The following ADCY3 variants were observed in gnomAD, a reference collection of about 807,000 sequenced individuals.
ADCY3 encodes the protein adenylate cyclase type 3.
ADCY3 carries 70 observed loss-of-function variants against 119.4 expected under a neutral mutation model. That is an observed-to-expected ratio of 0.59 (90% CI 0.48 to 0.72). The LOEUF (loss-of-function observed/expected upper bound fraction) is 0.72, where lower values mean the gene tolerates loss of function less well. Ranked by LOEUF, ADCY3 falls within the 30% of genes least tolerant of loss-of-function variation. The probability of loss-of-function intolerance (pLI) is 0.00; values close to 1 mark genes in which losing one functional copy is unlikely to be tolerated. For synonymous variants in ADCY3, 672 were observed against 621.4 expected (o/e 1.08, Z -1.21); for missense variants, 1,238 against 1,541.6 (o/e 0.80, Z 3.30).
At position 24,840,450 on chromosome 2, in the gene ADCY3, G is replaced by C. The variant is rs758064124; in HGVS notation, c.1197-419C>G. On this transcript the variant is annotated intron_variant, in intron 6 of 21. Transcript: ENST00000679454. ...CTGACAGGGCAGGGAGAGAATGTTA[G>C]AGTTCCTGGACTACCACCCCTGGGG... The C allele has an allele frequency of 5.3e-5, 21 of 399,026 alleles. 1 individual carries two copies. The highest frequency in any genetic ancestry group is 9.4e-5 in the Non-Finnish European group (18 of 191,354). The allele number at this position is 399,026 out of a possible 1,614,324, so 24.7% of individuals were successfully genotyped here.
At chr2:24,831,342 C>T (rs569041717) in intron 12 of ADCY3, among the ~76,000 whole-genome samples, 8 of 152,338 alleles carry the variant, frequency 5.3e-5, no homozygotes, top group African/African-American at 1.2e-4. Flanking sequence ...ACCTTCCAGC[C>T]GGCCCTCCAC....
intron 2 of ADCY3, among the ~76,000 whole-genome samples, chr2:24,893,184 C>T (rs1364424068): frequency 6.6e-6 from 1 of 152,000 alleles, no homozygotes; most frequent in East Asian, 1.9e-4. Context: ...CCAGCGCATA[C>T]CATCACCCCC....
intron 12 of ADCY3, 111 bp from the exon 13 acceptor site, chr2:24,830,936 A>C: frequency 2.4e-6 from 2 of 827,382 alleles, no homozygotes; most frequent in East Asian, 2.5e-5. Flanking sequence ...GAGCCTCAAA[A>C]CGGACTCTGC....
In ADCY3 at chr2:24,880,445, T is replaced by C. The variant is rs542101932; in HGVS notation, c.676-7726A>G. Among the ~76,000 whole-genome samples, 4 of 152,316 alleles carry C rather than the reference T, an allele frequency of 2.6e-5. No homozygotes were observed. The East Asian group carries it at 7.7e-4, about 29-fold the overall frequency. ...ATGGGCCTCTCTCCAGTCCTCCCTA[T>C]AAGATGTGCTATTTCAGGGATCCAA... On this transcript the variant is annotated intron_variant, in intron 2 of 21. Transcript: ENST00000679454.
chr2:24,874,255 G>A (rs1396574051), intron 2 of ADCY3, among the ~76,000 whole-genome samples: 1 of 152,190 alleles, frequency 6.6e-6, no homozygotes, highest in Non-Finnish European at 1.5e-5. Flanking sequence ...GTCACCGGGT[G>A]TAGATTCCCA....
intron 13 of ADCY3, among the ~76,000 whole-genome samples, chr2:24,828,994 C>T (rs1669030096): frequency 6.6e-6 from 1 of 151,550 alleles, no homozygotes; most frequent in Non-Finnish European, 1.5e-5. Context: ...CCTAACTCCT[C>T]ATTCCCAGTA....
At position 24,827,628 on chromosome 2, in the gene ADCY3, A is replaced by G. The variant is rs765788830; in HGVS notation, c.2433-20T>C. 2 of 1,573,976 alleles carry G rather than the reference A, an allele frequency of 1.3e-6. No homozygotes were observed. The highest frequency in any genetic ancestry group is 1.2e-5 in the South Asian group (1 of 86,364). ...GGTAAGCTGTTGGACAGATAACAGC[A>G]CAGTCAGGCCCCATCTGGGAACAAG... On this transcript the variant is annotated intron_variant, in intron 14 of 21. Transcript: ENST00000679454.
intron 2 of ADCY3, among the ~76,000 whole-genome samples, chr2:24,912,343 A>G (rs1374658121): frequency 6.6e-6 from 1 of 151,890 alleles, no homozygotes; most frequent in Non-Finnish European, 1.5e-5. Flanking sequence ...AAAAGAAAAA[A>G]CAAAAAGAAT....
At chr2:24,861,143 C>T (rs1358368511) in intron 3 of ADCY3, among the ~76,000 whole-genome samples, 3 of 151,120 alleles carry the variant, frequency 2.0e-5, no homozygotes, top group Non-Finnish European at 4.4e-5. Flanking sequence ...CCCAGCTACA[C>T]GGGAGGCTCA....
chr2:24,903,735 T>C (rs1679167972), intron 2 of ADCY3, among the ~76,000 whole-genome samples: 1 of 152,170 alleles, frequency 6.6e-6, no homozygotes, highest in Non-Finnish European at 1.5e-5. Flanking sequence ...GGGGGCACCA[T>C]GGCAGGGCTC....
At chr2:24,821,941 G>A in intron 19 of ADCY3, 1 of 333,118 alleles carries the variant, frequency 3.0e-6, no homozygotes, top group Non-Finnish European at 5.6e-6. Context: ...GGTTTTGTCA[G>A]GTTGTCCTTG....
intron 2 of ADCY3, among the ~76,000 whole-genome samples, chr2:24,897,495 C>G (rs1558512042): frequency 6.6e-6 from 1 of 152,180 alleles, no homozygotes; most frequent in African/African-American, 2.4e-5. Context: ...GCACCTCAGT[C>G]TCTCTCTGAA....
At chr2:24,846,051 G>A (rs1015367239) in intron 3 of ADCY3, among the ~76,000 whole-genome samples, 1 of 152,258 alleles carries the variant, frequency 6.6e-6, no homozygotes, top group Non-Finnish European at 1.5e-5. Context: ...AAGATGTATG[G>A]TAATGCCTGG....
At chr2:24,877,501 T>C (rs1359118251) in intron 2 of ADCY3, among the ~76,000 whole-genome samples, 1 of 152,128 alleles carries the variant, frequency 6.6e-6, no homozygotes, top group Non-Finnish European at 1.5e-5. Context: ...AGGGTACATT[T>C]TGGGAGTGAT....
At chr2:24,833,018 C>T (rs1168210294) in intron 11 of ADCY3, among the ~76,000 whole-genome samples, 2 of 152,244 alleles carry the variant, frequency 1.3e-5, no homozygotes, top group Non-Finnish European at 2.9e-5. Context: ...ATACATTCAG[C>T]ATCTATCGAC....
chr2:24,821,790 G>T (rs1472179873), intron 19 of ADCY3, 150 bp from the exon 20 acceptor site: 5 of 1,185,834 alleles, frequency 4.2e-6, no homozygotes, highest in Non-Finnish European at 5.8e-6. Context: ...TCGCAGCCAC[G>T]CTAGCTCTGA....
Position 24,919,212 on chromosome 2 carries a change from A to G in ADCY3, c.-197-28T>C, listed in dbSNP as rs944632485. The G allele has an allele frequency of 1.8e-5, 10 of 558,776 alleles. No homozygotes were observed. In the Admixed American group the frequency reaches 3.2e-4, roughly 18 times the overall value. The allele number at this position is 558,776 out of a possible 1,614,324, so 34.6% of individuals were successfully genotyped here. ...GAAAAGGGCATTGCTGAGTAGAAGC[A>G]CCTCTTCCCTCCTACCTTGCGGTTT... On this transcript the variant is annotated intron_variant, in intron 1 of 21. Transcript: ENST00000679454. The surrounding 1 kb of genome is among the most constrained non-coding windows in gnomAD (Gnocchi z 5.5).
chr2:24,845,010 G>A (rs1424129252), intron 3 of ADCY3, among the ~76,000 whole-genome samples: 2 of 152,116 alleles, frequency 1.3e-5, no homozygotes, highest in Admixed American at 1.3e-4. Context: ...TTTGCTTTTT[G>A]CTCATTTTCT....
intron 18 of ADCY3, 145 bp from the exon 19 acceptor site, chr2:24,822,775 C>CTGCCACA: frequency 2.6e-6 from 3 of 1,138,314 alleles, no homozygotes; most frequent in Non-Finnish European, 2.4e-6. Context: ...TACCGCTTAT[C>CTGCCACA]TGCCACATGA....
Sources: allele counts gnomAD v4.1 joint callset (sites outside exome capture counted in the v4.1 genomes callset), GRCh38; gene constraint gnomAD v4.1.1; non-coding constraint Gnocchi (gnomAD v3.1); transcripts MANE v1.5; gene names NCBI Gene and HGNC (gene_info 2026-07-23, HGNC 2026-07-21).